TIFA: variants seen among roughly 807,000 people sequenced by gnomAD.
TIFA encodes TRAF interacting protein with forkhead associated domain, also known as TRAF-interacting protein with FHA domain-containing protein A.
For missense variants in TIFA, 186 were observed against 215.2 expected (o/e 0.86, Z 0.85); for synonymous variants, 75 against 79.2 (o/e 0.95, Z 0.28).
intron 1 of TIFA, among the ~76,000 whole-genome samples, 189 bp from the exon 2 acceptor site, chr4:112,278,623 C>T (rs1429999166): frequency 6.6e-6 from 1 of 152,186 alleles, no homozygotes; most frequent in Non-Finnish European, 1.5e-5. Context: ...AAAATTGCTA[C>T]ACTAGCTTCT....
rs1349343882 is a variant in TIFA, at chr4:112,276,101, A to C, written c.*1761T>G. The C allele has an allele frequency of 6.6e-6, 1 of 152,288 alleles. No homozygotes were observed. The highest frequency in any genetic ancestry group is 1.5e-5 in the Non-Finnish European group (1 of 68,050). The allele number at this position is 152,288 out of a possible 1,614,324, so 9.4% of individuals were successfully genotyped here. A position where few individuals can be genotyped will look rare whatever the true frequency, so the allele number is the denominator to read the frequency against. On this transcript the variant is annotated 3_prime_UTR_variant, in exon 2 of 2. Transcript: ENST00000361717. ...AGTGGCTTACGACCAACACAAATTT[A>C]TCATCATAAAGTTTTGTAGGTTAAC... is the stretch of plus-strand genomic sequence containing the variant.
intron 1 of TIFA, among the ~76,000 whole-genome samples, chr4:112,279,053 T>C (rs1027118305): frequency 3.9e-5 from 6 of 152,250 alleles, no homozygotes; most frequent in African/African-American, 1.4e-4. Flanking sequence ...TTTTATTCTA[T>C]AATTTCAAAT....
intron 1 of TIFA, 61 bp from the exon 2 acceptor site, chr4:112,278,495 T>C: frequency 7.1e-7 from 1 of 1,404,202 alleles, no homozygotes; most frequent in Non-Finnish European, 9.6e-7. Flanking sequence ...AGAACTTTGA[T>C]TCTAACGTTT....
At chr4:112,281,768 T>C (rs1166005037) in intron 1 of TIFA, 1 of 152,166 alleles carries the variant, frequency 6.6e-6, no homozygotes, top group Non-Finnish European at 1.5e-5. Context: ...AAGGAGCAGC[T>C]CAGTCTGGGT....
At position 112,276,812 on chromosome 4, in the gene TIFA, G is replaced by A. The variant is rs936425399; in HGVS notation, c.*1050C>T. 6.6e-6 allele frequency: 1 copy of A among 152,056 alleles called. No homozygotes were observed. The highest frequency in any genetic ancestry group is 1.5e-5 in the Non-Finnish European group (1 of 67,998). 9.4% of individuals were successfully genotyped at this position (152,056 alleles called of 1,614,324 possible). A position where few individuals can be genotyped will look rare whatever the true frequency, so the allele number is the denominator to read the frequency against. ...GGAAATTTCATTTACCTGGAAAATT[G>A]TACAGTGAGCCTCACTACCTGGCAA... On this transcript the variant is annotated 3_prime_UTR_variant, in exon 2 of 2. Coordinates refer to ENST00000361717, the MANE Select transcript of TIFA (RefSeq NM_052864.3).
chr4:112,277,922 A>G lies in TIFA; in HGVS notation c.495T>C (p.Thr165=), dbSNP rs775678553. The change falls in exon 2 of 2, where the codon ACT becomes ACC. Residue 165 remains threonine (T), a synonymous_variant. Transcript: ENST00000361717. ...PPHRPIPEYG[T]YSLCSSQSSS... ...TGCTTTGGGAGGAGCAGAGCGAATA[A>G]GTGCCATACTCCGGTATGGGCCTGT... 8 of 1,612,988 alleles carry G rather than the reference A, an allele frequency of 5.0e-6. No homozygotes were observed. The African/African-American group carries it at 1.1e-4, about 22-fold the overall frequency.
At chr4:112,280,328 T>G (rs1727203748) in intron 1 of TIFA, among the ~76,000 whole-genome samples, 1 of 150,452 alleles carries the variant, frequency 6.6e-6, no homozygotes, top group African/African-American at 2.4e-5. Context: ...TCCCTTTCTA[T>G]CTTGCTGGCA....
At chr4:112,280,135 C>A (rs1026332629) in intron 1 of TIFA, among the ~76,000 whole-genome samples, 2 of 152,144 alleles carry the variant, frequency 1.3e-5, no homozygotes, top group African/African-American at 4.8e-5. Context: ...TTGGATGACT[C>A]TCCCTTGCTG....
chr4:112,281,173 T>C (rs753926236), intron 1 of TIFA, among the ~76,000 whole-genome samples: 31 of 152,246 alleles, frequency 2.0e-4, no homozygotes, highest in Non-Finnish European at 3.8e-4. Flanking sequence ...CAGCTTTATT[T>C]ACAATATGCT....
At chr4:112,282,884 A>G (rs1334604237) in intron 1 of TIFA, among the ~76,000 whole-genome samples, 1 of 152,184 alleles carries the variant, frequency 6.6e-6, no homozygotes, top group African/African-American at 2.4e-5. Flanking sequence ...GGGTGTGGAT[A>G]AAGGCAGGAC....
At chr4:112,282,048 A>G (rs10000620) in intron 1 of TIFA, among the ~76,000 whole-genome samples, 94,151 of 152,092 alleles carry the variant, frequency 0.62, 30,827 homozygotes, top group African/African-American at 0.83. Context: ...GGGACCTGAT[A>G]GGAGGTAATT....
chr4:112,277,671 C>CTCGGAGGT lies in TIFA; in HGVS notation c.*190_*191insACCTCCGA. 4.9e-6 allele frequency: 2 copies of CTCGGAGGT among 409,582 alleles called. No homozygotes were observed. The highest frequency in any genetic ancestry group is 4.0e-5 in the East Asian group (1 of 25,278). The allele number at this position is 409,582 out of a possible 1,614,324, so 25.4% of individuals were successfully genotyped here. A position where few individuals can be genotyped will look rare whatever the true frequency, so the allele number is the denominator to read the frequency against. The stretch of plus-strand genomic sequence containing the variant: ...GCAGTTAAAATAATTTTGTGTAGAT[C>CTCGGAGGT]CAGAATACAACAGGTGACTAAGTTA... On this transcript the variant is annotated 3_prime_UTR_variant, in exon 2 of 2. Transcript: ENST00000361717.
intron 1 of TIFA, among the ~76,000 whole-genome samples, chr4:112,281,002 G>T (rs191569540): frequency 6.5e-4 from 99 of 152,272 alleles, no homozygotes; most frequent in African/African-American, 1.9e-3. Flanking sequence ...ACTGTGATTT[G>T]AAGACACTAT....
chr4:112,277,968 T>G lies in TIFA; in HGVS notation c.449A>C (p.Gln150Pro). Residue 150 changes from glutamine to proline, a missense_variant, in exon 2 of 2, where the codon CAA becomes CCA. Transcript: ENST00000361717. ...CCTGTGTGGTGGCCAGTTGTTTTCTTGCAAGAGTGATCTTGGAGATAAAAT... is the reference window on the plus strand; with the variant it reads ...CCTGTGTGGTGGCCAGTTGTTTTCTGGCAAGAGTGATCTTGGAGATAAAAT... ...QFILSPRSLL[Q>P]ENNWPPHRPI... 1 of 1,614,066 alleles carries G rather than the reference T, an allele frequency of 6.2e-7. No individual in the cohort carries two copies. The highest frequency in any genetic ancestry group is 8.5e-7 in the Non-Finnish European group (1 of 1,179,996).
intron 1 of TIFA, among the ~76,000 whole-genome samples, chr4:112,279,172 A>C (rs1209306698): frequency 1.3e-5 from 2 of 152,216 alleles, no homozygotes; most frequent in Non-Finnish European, 2.9e-5. Context: ...CAATGACTGG[A>C]TGGACAAACT....
chr4:112,277,715 A>G lies in TIFA; in HGVS notation c.*147T>C, dbSNP rs889903819. 6 of 682,912 alleles carry G rather than the reference A, an allele frequency of 8.8e-6. No individual in the cohort carries two copies. Among genetic ancestry groups the G allele is most frequent in the South Asian group, 3.1e-5 (1 of 31,806 alleles). 42.3% of individuals were successfully genotyped at this position (682,912 alleles called of 1,614,324 possible). On this transcript the variant is annotated 3_prime_UTR_variant, in exon 2 of 2. Coordinates refer to ENST00000361717, the MANE Select transcript of TIFA (RefSeq NM_052864.3). ...TAAGTTAATGACTAACACAATTTAC[A>G]GACTTCAAAATGATAATACTGAATT...
At chr4:112,281,631 T>C (rs1727229652) in intron 1 of TIFA, 1 of 152,128 alleles carries the variant, frequency 6.6e-6, no homozygotes, top group Non-Finnish European at 1.5e-5. Flanking sequence ...AAAATGATGA[T>C]CCACTTCATT....
Position 112,275,591 on chromosome 4 carries a change from A to ACT in TIFA, c.*2269_*2270dup, listed in dbSNP as rs376198607. 3.3e-5 allele frequency: 5 copies of ACT among 152,246 alleles called. No individual in the cohort carries two copies. The East Asian group carries it at 9.6e-4, about 29-fold the overall frequency. 9.4% of individuals were successfully genotyped at this position (152,246 alleles called of 1,614,324 possible). On this transcript the variant is annotated 3_prime_UTR_variant, in exon 2 of 2. Coordinates refer to ENST00000361717, the MANE Select transcript of TIFA (RefSeq NM_052864.3). Reference sequence around the variant, plus strand: ...GAACAATATAAACTTTTAGCAACCCACTCTCTCCTTTGCCAATCTTTGAAG... The same window carrying ACT: ...GAACAATATAAACTTTTAGCAACCCACTCTCTCTCCTTTGCCAATCTTTGAAG...
rs1335264495 is a variant in TIFA, at chr4:112,275,665, C to G, written c.*2197G>C. On this transcript the variant is annotated 3_prime_UTR_variant, in exon 2 of 2. Transcript: ENST00000361717. ...TAATATTTCTCAAGTTGAACAAAAC[C>G]CTTTCCAAGATTTACATTAGGAGAA... 1 of 152,090 alleles carries G rather than the reference C, an allele frequency of 6.6e-6. No individual in the cohort carries two copies. Among genetic ancestry groups the G allele is most frequent in the Non-Finnish European group, 1.5e-5 (1 of 68,018 alleles). 9.4% of individuals were successfully genotyped at this position (152,090 alleles called of 1,614,324 possible).
Sources: gnomAD v4.1 joint callset for allele counts (sites outside exome capture counted in the v4.1 genomes callset) on GRCh38, gnomAD v4.1.1 for gene constraint, MANE v1.5 for transcripts, NCBI Gene and HGNC (gene_info 2026-07-23, HGNC 2026-07-21) for gene names.